ACSBG1: variants seen among roughly 807,000 people sequenced by gnomAD.
ACSBG1 encodes acyl-CoA synthetase bubblegum family member 1, also known as long-chain-fatty-acid--CoA ligase ACSBG1.
Under a neutral mutation model 80.2 loss-of-function variants are expected in ACSBG1, and 39 were observed. That is an observed-to-expected ratio of 0.49 (90% confidence interval 0.38 to 0.64). ACSBG1 has a LOEUF of 0.64. Ranked by LOEUF, ACSBG1 falls within the 30% of genes least tolerant of loss-of-function variation. ACSBG1 has a pLI of 0.00. For missense variants in ACSBG1, 828 were observed against 966.4 expected (o/e 0.86, Z 1.90); for synonymous variants, 392 against 379.5 (o/e 1.03, Z -0.38).
Position 78,169,052 on chromosome 15 carries a change from C to T in ACSBG1, c.*2392G>A, listed in dbSNP as rs2074787375. ...CATCAGTCACTCTAAATGGACACCA[C>T]ATGAACCTCTGTTTAGAATACCTAC... On this transcript the variant is annotated 3_prime_UTR_variant, in exon 14 of 14. Coordinates refer to ENST00000258873, the MANE Select transcript of ACSBG1 (RefSeq NM_015162.5). 8.5e-7 allele frequency: 1 copy of T among 1,180,436 alleles called. No individual in the cohort carries two copies. The highest frequency in any genetic ancestry group is 1.5e-5 in the African/African-American group (1 of 66,468). 73.1% of individuals were successfully genotyped at this position (1,180,436 alleles called of 1,614,324 possible). A position where few individuals can be genotyped will look rare whatever the true frequency, so the allele number is the denominator to read the frequency against.
intron 1 of ACSBG1, among the ~76,000 whole-genome samples, chr15:78,212,914 T>C (rs1365110713): frequency 6.6e-6 from 1 of 152,194 alleles, no homozygotes. Flanking sequence ...GCCTTGGGGC[T>C]GTGGTCTCCA....
At chr15:78,185,803 G>A (rs1390653896) in intron 5 of ACSBG1, among the ~76,000 whole-genome samples, 1 of 151,762 alleles carries the variant, frequency 6.6e-6, no homozygotes, top group Non-Finnish European at 1.5e-5. Flanking sequence ...ATAAGATATC[G>A]TAGACGTCTT....
chr15:78,193,167 C>A (rs761581539), intron 5 of ACSBG1, among the ~76,000 whole-genome samples: 45 of 152,308 alleles, frequency 3.0e-4, no homozygotes, highest in Admixed American at 1.9e-3. Context: ...CTGCACATAA[C>A]CCTTCCACTG....
intron 2 of ACSBG1, among the ~76,000 whole-genome samples, chr15:78,200,237 T>A (rs748245720): frequency 3.3e-5 from 5 of 152,094 alleles, no homozygotes; most frequent in Non-Finnish European, 7.4e-5. Context: ...GGTTCATAGG[T>A]CTGCAATGTC....
chr15:78,181,050 ACACAC>A, intron 8 of ACSBG1, 114 bp from the exon 9 acceptor site: 2 of 1,200,286 alleles, frequency 1.7e-6, no homozygotes, highest in Non-Finnish European at 2.3e-6. Context: ...GGGCACCCAC[ACACAC>A]CTGCACGCAA....
chr15:78,185,466 A>AAACAT (rs2074992293), intron 5 of ACSBG1, among the ~76,000 whole-genome samples: 1 of 152,238 alleles, frequency 6.6e-6, no homozygotes, highest in African/African-American at 2.4e-5. Flanking sequence ...AAAAAGCCTT[A>AAACAT]AACATAGCCT....
rs2074788184 is a variant in ACSBG1, at chr15:78,169,112, T to C, written c.*2332A>G. On this transcript the variant is annotated 3_prime_UTR_variant, in exon 14 of 14. Transcript: ENST00000258873. The stretch of plus-strand genomic sequence containing the variant: ...CATTGGTTTGCTTGTTTCTTGACAG[T>C]ACATTTTTAGATCTGGCCTTTTCTT... The C allele has an allele frequency of 1.6e-6, 1 of 630,092 alleles. No homozygotes were observed. Among genetic ancestry groups the C allele is most frequent in the East Asian group, 2.8e-5 (1 of 35,876 alleles). The allele number at this position is 630,092 out of a possible 1,614,324, so 39.0% of individuals were successfully genotyped here.
chr15:78,215,216 C>G (rs1429508286), intron 1 of ACSBG1, among the ~76,000 whole-genome samples: 1 of 152,194 alleles, frequency 6.6e-6, no homozygotes, highest in African/African-American at 2.4e-5. Context: ...TCTCCTCCTC[C>G]CTCTTCTGGT....
At position 78,234,391 on chromosome 15, in the gene ACSBG1, G is replaced by A. The variant is rs2075476096; in HGVS notation, c.111C>T (p.Thr37=). ...ESRQDMIVRT[T]QEKLKTSSLT... is the part of the protein sequence containing the mutation. ...CTTACCTGGTTTTCAATTTTTCTTG[G>A]GTGGTCCTCACAATCATGTCCTGCC... is the stretch of plus-strand genomic sequence containing the variant. The change falls in exon 1 of 14, where the codon ACC becomes ACT. Residue 37 remains threonine (T), a synonymous_variant. Coordinates refer to ENST00000258873, the MANE Select transcript of ACSBG1 (RefSeq NM_015162.5). 2 of 1,612,016 alleles carry A rather than the reference G, an allele frequency of 1.2e-6. No individual in the cohort carries two copies. Among genetic ancestry groups the A allele is most frequent in the Non-Finnish European group, 8.5e-7 (1 of 1,180,008 alleles).
At chr15:78,193,893 C>CGAGAAG in intron 4 of ACSBG1, 39 bp downstream of exon 4, 1 of 1,608,836 alleles carries the variant, frequency 6.2e-7, no homozygotes, top group East Asian at 2.2e-5. Flanking sequence ...TGCCCACTGC[C>CGAGAAG]AACCCCCTGG....
chr15:78,174,593 G>A, intron 11 of ACSBG1, 69 bp from the exon 12 acceptor site: 1 of 1,539,134 alleles, frequency 6.5e-7, no homozygotes, highest in Non-Finnish European at 8.8e-7. Context: ...CACAACCCAA[G>A]CCTCAACCAC....
chr15:78,173,839 A>G lies in ACSBG1; in HGVS notation c.1843T>C (p.Cys615Arg). The change falls in exon 13 of 14, where the codon TGC (cysteine) becomes CGC (arginine). Residue 615 changes from cysteine to arginine, a missense_variant and splice_region_variant. Coordinates refer to ENST00000258873, the MANE Select transcript of ACSBG1 (RefSeq NM_015162.5). The part of the protein sequence containing the change: ...KFLSMLLTLK[C>R]TLDPDTSDQT... ...TCAGAGGTGTCTGGGTCCAGAGTGC[A>G]CTGAAAAGCCAGAGATCAGATGAGG... 1 of 1,613,562 alleles carries G rather than the reference A, an allele frequency of 6.2e-7. No homozygotes were observed. Among genetic ancestry groups the G allele is most frequent in the Non-Finnish European group, 8.5e-7 (1 of 1,179,792 alleles).
intron 2 of ACSBG1, among the ~76,000 whole-genome samples, chr15:78,205,431 A>G (rs1242648653): frequency 6.6e-6 from 1 of 152,092 alleles, no homozygotes; most frequent in Non-Finnish European, 1.5e-5. Context: ...CTGCAGTTAG[A>G]TGAAAGGGAG....
In ACSBG1 at chr15:78,182,475, A is replaced by T; in HGVS notation, c.885T>A (p.Ser295Arg). 6.2e-7 allele frequency: 1 copy of T among 1,613,618 alleles called. No individual in the cohort carries two copies. The highest frequency in any genetic ancestry group is 8.5e-7 in the Non-Finnish European group (1 of 1,179,846). The change falls in exon 7 of 14, where the codon AGT becomes AGA. Residue 295 changes from serine to arginine, a missense_variant. By Grantham distance (110) the Ser-to-Arg change is moderately radical. Coordinates refer to ENST00000258873, the MANE Select transcript of ACSBG1 (RefSeq NM_015162.5). ...TTGNPKGVML[S>R]QDNITWTARY... ...CGGGCATCTGTCCTACATTGTCTTGACTCAGCATCACGCCCTTGGGGTTCC... is the reference window on the plus strand; with the variant it reads ...CGGGCATCTGTCCTACATTGTCTTGTCTCAGCATCACGCCCTTGGGGTTCC...
intron 2 of ACSBG1, among the ~76,000 whole-genome samples, chr15:78,195,241 C>T (rs12905325): frequency 0.68 from 103,617 of 152,048 alleles, 35,763 homozygotes; most frequent in Admixed American, 0.78. Context: ...CAGAAAATAA[C>T]AACAGTCTTT....
chr15:78,173,883 A>G, intron 12 of ACSBG1, 44 bp from the exon 13 acceptor site: 1 of 1,593,854 alleles, frequency 6.3e-7, no homozygotes, highest in Non-Finnish European at 8.6e-7. Context: ...TTACCCAACA[A>G]GACGTAAGCC....
At chr15:78,225,525 C>T (rs867142453) in intron 1 of ACSBG1, among the ~76,000 whole-genome samples, 1 of 151,872 alleles carries the variant, frequency 6.6e-6, no homozygotes, top group Non-Finnish European at 1.5e-5. Flanking sequence ...GTGCAAGATA[C>T]CTACACTGAA....
rs2074935022 is a variant in ACSBG1 at position 78,180,835 on chromosome 15, A to G, written c.1173T>C (p.Ala391=). ...KIMERIQEVA[A]QSGFIRRKML... ...TCTTTCGCCGGATGAAGCCAGACTG[A>G]GCCGCCACCTCCTGGATGCGCTCCA... Residue 391 remains alanine (A), a synonymous_variant, in exon 9 of 14, where the codon GCT becomes GCC. Coordinates refer to ENST00000258873, the MANE Select transcript of ACSBG1 (RefSeq NM_015162.5). 1.2e-6 allele frequency: 2 copies of G among 1,614,166 alleles called. No individual in the cohort carries two copies. Among genetic ancestry groups the G allele is most frequent in the Non-Finnish European group, 1.7e-6 (2 of 1,180,030 alleles).
At chr15:78,203,683 C>T (rs1363856339) in intron 2 of ACSBG1, among the ~76,000 whole-genome samples, 2 of 152,182 alleles carry the variant, frequency 1.3e-5, no homozygotes, top group Non-Finnish European at 2.9e-5. Flanking sequence ...ACTCAATTAG[C>T]CGGGAAGGAA....
Sources: allele counts gnomAD v4.1 joint callset (sites outside exome capture counted in the v4.1 genomes callset), GRCh38; gene constraint gnomAD v4.1.1; transcripts MANE v1.5; gene names NCBI Gene and HGNC (gene_info 2026-07-23, HGNC 2026-07-21).